ABTB2: variants seen among roughly 807,000 people sequenced by gnomAD.
ABTB2 encodes ankyrin repeat and BTB domain containing 2.
Under a neutral mutation model 104.1 loss-of-function variants are expected in ABTB2, and 56 were observed. The ratio of observed to expected loss-of-function variants is 0.54; its 90% CI spans 0.43 to 0.67. The LOEUF (loss-of-function observed/expected upper bound fraction) is 0.67. ABTB2 is among the 30% of genes least tolerant of loss of function. The probability of loss-of-function intolerance (pLI) is 0.00; values close to 1 mark genes in which losing one functional copy is unlikely to be tolerated. For missense variants in ABTB2, 1,279 were observed against 1,407.7 expected, an observed-to-expected ratio of 0.91 and a Z score of 1.46; for synonymous variants, 606 against 608.2, an observed-to-expected ratio of 1.00 and a Z score of 0.05.
At chr11:34,159,526 TC>T (rs1852677852) in intron 13 of ABTB2, 140 bp from the exon 14 acceptor site, 1 of 651,986 alleles carries the variant, frequency 1.5e-6, no homozygotes, top group Admixed American at 2.5e-5. Context: ...AAAATAATTT[TC>T]AGCAAGTGCC....
At chr11:34,160,834 G>A (rs1852708048) in intron 11 of ABTB2, 69 bp downstream of exon 11, 2 of 1,500,440 alleles carry the variant, frequency 1.3e-6, no homozygotes, top group African/African-American at 1.4e-5. Flanking sequence ...CTGCCTGTGT[G>A]TCCATCTGTG....
intron 1 of ABTB2, among the ~76,000 whole-genome samples, chr11:34,267,254 G>GAGAAACCTGGGTCTCCA (rs1216280440): frequency 3.3e-5 from 5 of 152,152 alleles, no homozygotes; most frequent in Admixed American, 6.5e-5. Context: ...GCCAATGCTG[G>GAGAAACCTGGGTCTCCA]TGGAATTCCA....
At chr11:34,227,628 T>G (rs897389473) in intron 1 of ABTB2, among the ~76,000 whole-genome samples, 1 of 152,272 alleles carries the variant, frequency 6.6e-6, no homozygotes, top group East Asian at 1.9e-4. Context: ...TTACAAACAA[T>G]GCTGCTAGTC....
chr11:34,300,457 T>G (rs533113030), intron 1 of ABTB2, among the ~76,000 whole-genome samples: 3 of 152,324 alleles, frequency 2.0e-5, no homozygotes, highest in South Asian at 2.1e-4. Flanking sequence ...TATAAATCAC[T>G]GGTTATCGGA....
At chr11:34,335,050 C>G in intron 1 of ABTB2, 1 of 703,924 alleles carries the variant, frequency 1.4e-6, no homozygotes, top group Non-Finnish European at 2.5e-6. Context: ...TTTAGTCTGA[C>G]AGTGTTTATA....
chr11:34,192,163 C>T (rs1565136853), intron 3 of ABTB2, among the ~76,000 whole-genome samples: 1 of 152,026 alleles, frequency 6.6e-6, no homozygotes. Context: ...TGTGGTGGGG[C>T]ACATCTGTGG....
intron 1 of ABTB2, among the ~76,000 whole-genome samples, chr11:34,321,009 C>T (rs375245712): frequency 1.3e-5 from 2 of 152,034 alleles, no homozygotes; most frequent in African/African-American, 4.8e-5. Context: ...ATGGAGAAAC[C>T]CTGTCTCTAC....
chr11:34,312,199 G>C (rs1854864808), intron 1 of ABTB2, among the ~76,000 whole-genome samples: 1 of 152,090 alleles, frequency 6.6e-6, no homozygotes, highest in African/African-American at 2.4e-5. Context: ...ACAAGCAGGT[G>C]GTTCTGCCTG....
intron 1 of ABTB2, among the ~76,000 whole-genome samples, chr11:34,262,264 C>T (rs1854196429): frequency 6.6e-6 from 1 of 152,198 alleles, no homozygotes; most frequent in Non-Finnish European, 1.5e-5. Context: ...CTTTTGTCAT[C>T]TGTTTTTGGC....
At chr11:34,159,590 C>G (rs778672940) in intron 13 of ABTB2, among the ~76,000 whole-genome samples, 1 of 152,206 alleles carries the variant, frequency 6.6e-6, no homozygotes, top group Non-Finnish European at 1.5e-5. Context: ...CTGTCCCCAC[C>G]ACCCACCCTA....
chr11:34,276,269 C>T (rs1044339760), intron 1 of ABTB2, among the ~76,000 whole-genome samples: 7 of 151,754 alleles, frequency 4.6e-5, no homozygotes, highest in African/African-American at 1.7e-4. Context: ...GTCCCAAGAC[C>T]ACACTGTTGA....
chr11:34,154,525 C>G lies in ABTB2; in HGVS notation c.2767-147G>C. 7.0e-6 allele frequency: 6 copies of G among 859,418 alleles called. No individual in the cohort carries two copies. Among genetic ancestry groups the G allele is most frequent in the Non-Finnish European group, 9.2e-6 (5 of 542,698 alleles). 53.2% of individuals were successfully genotyped at this position (859,418 alleles called of 1,614,324 possible). A position where few individuals can be genotyped will look rare whatever the true frequency, so the allele number is the denominator to read the frequency against. ...TTCTGATACTCCTGGGCCTAACCAT[C>G]CCCGCTGGGACACGCACTGAGGCTG... On this transcript the variant is annotated intron_variant, in intron 15 of 16. Transcript: ENST00000435224. The surrounding 1 kb of genome is among the most constrained non-coding windows in gnomAD (Gnocchi z 4.9).
In ABTB2 at chr11:34,160,350, C is replaced by T. The variant is rs752002189; in HGVS notation, c.2401G>A (p.Asp801Asn). The T allele has an allele frequency of 3.1e-6, 5 of 1,613,320 alleles. No homozygotes were observed. In the South Asian group the frequency reaches 3.3e-5, roughly 11 times the overall value. ...GTAGCCAGTTGCTGGATGACGGAGT[C>T]GTTCTGTGGGGAGAGGAGAGAGGGC... The part of the protein sequence containing the change: ...MFDILKTSKN[D>N]SVIQQLATIF... The change falls in exon 12 of 17, where the codon GAC (aspartate) becomes AAC (asparagine). Residue 801 changes from aspartate to asparagine, a missense_variant. Transcript: ENST00000435224.
At chr11:34,235,007 G>A (rs995999724) in intron 1 of ABTB2, among the ~76,000 whole-genome samples, 9 of 152,080 alleles carry the variant, frequency 5.9e-5, no homozygotes, top group African/African-American at 9.7e-5. Context: ...ATAGGCGCCC[G>A]CCACGGCGCC....
chr11:34,289,065 G>A (rs1854536578), intron 1 of ABTB2, among the ~76,000 whole-genome samples: 1 of 152,134 alleles, frequency 6.6e-6, no homozygotes, highest in African/African-American at 2.4e-5. Context: ...GAAGAAAGTG[G>A]GTCAATAACA....
At chr11:34,211,328 A>G (rs1853477920) in intron 1 of ABTB2, among the ~76,000 whole-genome samples, 1 of 152,062 alleles carries the variant, frequency 6.6e-6, no homozygotes, top group Admixed American at 6.5e-5. Flanking sequence ...AGGCGGGTCT[A>G]GAACTCCTGG....
At chr11:34,308,210 A>C (rs1440674778) in intron 1 of ABTB2, among the ~76,000 whole-genome samples, 1 of 152,182 alleles carries the variant, frequency 6.6e-6, no homozygotes, top group African/African-American at 2.4e-5. Context: ...GCAAGCATGC[A>C]ATGGATGTTT....
At chr11:34,283,505 C>G (rs2133088348) in intron 1 of ABTB2, among the ~76,000 whole-genome samples, 1 of 152,278 alleles carries the variant, frequency 6.6e-6, no homozygotes, top group South Asian at 2.1e-4. Flanking sequence ...TGTGAGCCAC[C>G]ACACCCAGCC....
chr11:34,264,349 T>C (rs1854222831), intron 1 of ABTB2, among the ~76,000 whole-genome samples: 1 of 152,220 alleles, frequency 6.6e-6, no homozygotes, highest in Admixed American at 6.5e-5. Context: ...GATGTGTCTC[T>C]GTGCTGTGGA....
Sources: gnomAD v4.1 joint callset for allele counts (sites outside exome capture counted in the v4.1 genomes callset) on GRCh38, gnomAD v4.1.1 for gene constraint, Gnocchi (gnomAD v3.1) non-coding constraint, MANE v1.5 for transcripts, NCBI Gene and HGNC (gene_info 2026-07-23, HGNC 2026-07-21) for gene names.